The following DOCK2 variants were observed in gnomAD, a reference collection of about 807,000 sequenced individuals.
DOCK2 encodes dedicator of cytokinesis protein 2.
DOCK2 carries 87 observed loss-of-function variants against 248.9 expected under a neutral mutation model. The observed-to-expected ratio is 0.35, with a 90% confidence interval of 0.29 to 0.42. The LOEUF (loss-of-function observed/expected upper bound fraction) is 0.42. Among genes scored for constraint, DOCK2 ranks in the 10% least tolerant of loss-of-function variants. DOCK2 has a pLI of 1.00. For missense variants in DOCK2, 1,747 were observed against 2,300.2 expected (o/e 0.76, Z 4.92); for synonymous variants, 805 against 821.6 (o/e 0.98, Z 0.35).
chr5:169,805,619 T>C (rs261616), intron 26 of DOCK2, among the ~76,000 whole-genome samples: 130,226 of 152,228 alleles, frequency 0.86, 55,828 homozygotes, highest in East Asian at 0.98. Context: ...ATTTGTGAAG[T>C]AGGATGCTGA....
At chr5:169,879,100 G>T (rs1772490421) in intron 27 of DOCK2, among the ~76,000 whole-genome samples, 1 of 152,156 alleles carries the variant, frequency 6.6e-6, no homozygotes, top group South Asian at 2.1e-4. Flanking sequence ...AGCTGCTGGA[G>T]CCTCTGGGAA....
In DOCK2 at chr5:169,671,154, A is replaced by G; in HGVS notation, c.301A>G (p.Ile101Val). 6.2e-7 allele frequency: 1 copy of G among 1,614,120 alleles called. No homozygotes were observed. Among genetic ancestry groups the G allele is most frequent in the Non-Finnish European group, 8.5e-7 (1 of 1,179,962 alleles). Residue 101 changes from isoleucine to valine, a missense_variant, in exon 5 of 52, where the codon ATC becomes GTC. Around this residue, in one of 4 missense-constraint regions of DOCK2, gnomAD observed 375 missense variants for 510.9 expected, o/e 0.73. Coordinates refer to ENST00000520908, the MANE Select transcript of DOCK2 (RefSeq NM_004946.3). ...AACGACACTTTGGGAATGGGGAAGC[A>G]TCTGGAAACAACTCTATGTGGTGAG... is the stretch of plus-strand genomic sequence containing the variant. The part of the protein sequence containing the change: ...VTTTLWEWGS[I>V]WKQLYVASKK...
At chr5:169,955,755 G>A (rs547459849) in intron 27 of DOCK2, among the ~76,000 whole-genome samples, 2 of 152,202 alleles carry the variant, frequency 1.3e-5, no homozygotes, top group South Asian at 4.2e-4. Flanking sequence ...CTGTGTAATG[G>A]GCACTAAGAA....
At chr5:169,828,403 G>T (rs1353102714) in intron 26 of DOCK2, among the ~76,000 whole-genome samples, 2 of 152,142 alleles carry the variant, frequency 1.3e-5, no homozygotes. Context: ...TCATGAGATC[G>T]GCCTCCCAGC....
At chr5:170,065,478 A>G (rs1473252426) in intron 44 of DOCK2, among the ~76,000 whole-genome samples, 1 of 119,318 alleles carries the variant, frequency 8.4e-6, no homozygotes, top group Non-Finnish European at 1.6e-5. Flanking sequence ...AACAACAACA[A>G]AAAAACCTAA....
chr5:169,922,013 C>A (rs1424654156), intron 27 of DOCK2, among the ~76,000 whole-genome samples: 1 of 152,166 alleles, frequency 6.6e-6, no homozygotes, highest in East Asian at 1.9e-4. Flanking sequence ...TGGTCCTGGG[C>A]AAATATTATT....
At chr5:169,966,316 A>G (rs150693648) in intron 27 of DOCK2, among the ~76,000 whole-genome samples, 1 of 152,168 alleles carries the variant, frequency 6.6e-6, no homozygotes, top group African/African-American at 2.4e-5. Flanking sequence ...AGGAAATGGC[A>G]TGACTCAGAG....
At chr5:169,666,720 G>A (rs1758756596) in intron 2 of DOCK2, among the ~76,000 whole-genome samples, 1 of 152,172 alleles carries the variant, frequency 6.6e-6, no homozygotes, top group Admixed American at 6.5e-5. Context: ...GATGCACTAG[G>A]CATGGGTTTG....
chr5:170,057,806 G>A (rs983144233), intron 44 of DOCK2, 140 bp downstream of exon 44: 36 of 722,404 alleles, frequency 5.0e-5, no homozygotes, highest in Non-Finnish European at 7.6e-5. Context: ...TTCCCATGCA[G>A]GCAGCATTCA....
intron 32 of DOCK2, among the ~76,000 whole-genome samples, chr5:170,012,821 A>C (rs1426448985): frequency 6.6e-6 from 1 of 152,216 alleles, no homozygotes; most frequent in Non-Finnish European, 1.5e-5. Context: ...TTGGGTTAAC[A>C]CTGAGCTGCT....
intron 27 of DOCK2, among the ~76,000 whole-genome samples, chr5:169,964,419 G>A (rs763751701): frequency 1.3e-5 from 2 of 152,222 alleles, no homozygotes; most frequent in Admixed American, 6.5e-5. Context: ...CAAGTAAAAT[G>A]TTCAAGCAGC....
chr5:169,802,967 A>G, intron 25 of DOCK2, 91 bp from the exon 26 acceptor site: 2 of 1,431,274 alleles, frequency 1.4e-6, no homozygotes, highest in Middle Eastern at 1.9e-4. Flanking sequence ...TTCATGAACT[A>G]TTTATTTAAT....
intron 27 of DOCK2, among the ~76,000 whole-genome samples, chr5:169,891,430 G>A (rs1561800140): frequency 1.3e-5 from 2 of 152,204 alleles, no homozygotes; most frequent in South Asian, 2.1e-4. Context: ...GAACAGAGAA[G>A]TTTAAAACTT....
At chr5:169,886,794 T>C (rs540992264) in intron 27 of DOCK2, among the ~76,000 whole-genome samples, 4 of 152,222 alleles carry the variant, frequency 2.6e-5, no homozygotes, top group Non-Finnish European at 5.9e-5. Flanking sequence ...TGTTTTTTGC[T>C]TTCTTCTTAA....
At chr5:169,850,615 G>T (rs780420595) in intron 27 of DOCK2, among the ~76,000 whole-genome samples, 2 of 152,150 alleles carry the variant, frequency 1.3e-5, no homozygotes, top group African/African-American at 2.4e-5. Context: ...TGAGCTTGGG[G>T]TAGCTTGGTT....
intron 44 of DOCK2, among the ~76,000 whole-genome samples, chr5:170,060,548 G>T (rs1346265383): frequency 1.3e-5 from 2 of 152,158 alleles, no homozygotes; most frequent in Non-Finnish European, 2.9e-5. Context: ...TTTTTGTCCT[G>T]ATTCTTCCTG....
chr5:169,977,191 T>A (rs1777746403), intron 27 of DOCK2, among the ~76,000 whole-genome samples: 1 of 152,258 alleles, frequency 6.6e-6, no homozygotes, highest in African/African-American at 2.4e-5. Flanking sequence ...CAGCATGCTC[T>A]GTTCCAAGAG....
intron 7 of DOCK2, among the ~76,000 whole-genome samples, chr5:169,683,254 G>T (rs1394738095): frequency 3.3e-5 from 5 of 152,228 alleles, no homozygotes; most frequent in Non-Finnish European, 5.9e-5. Context: ...TTGAGACAGG[G>T]TCTCTCACTC....
intron 9 of DOCK2, among the ~76,000 whole-genome samples, chr5:169,692,008 A>G (rs779479743): frequency 1.9e-4 from 29 of 151,910 alleles, no homozygotes; most frequent in Non-Finnish European, 3.1e-4. Flanking sequence ...GGTACATGCT[A>G]CCACGCCCCA....
Sources: gnomAD v4.1 joint callset for allele counts (sites outside exome capture counted in the v4.1 genomes callset) on GRCh38, gnomAD v4.1.1 for gene constraint, gnomAD v4.1.1 regional missense constraint, MANE v1.5 for transcripts, NCBI Gene and HGNC (gene_info 2026-07-23, HGNC 2026-07-21) for gene names.